KIAA1217: variants seen among roughly 807,000 people sequenced by gnomAD.
KIAA1217 encodes the protein sickle tail protein homolog.
KIAA1217 carries 88 observed loss-of-function variants against 163.9 expected under a neutral mutation model. That is an observed-to-expected ratio of 0.54 (90% CI 0.45 to 0.64). The LOEUF is 0.64. Ranked by LOEUF, KIAA1217 falls within the 30% of genes least tolerant of loss-of-function variation. The pLI is 0.00. For synonymous variants in KIAA1217, 903 were observed against 923.1 expected (o/e 0.98, Z 0.39); for missense variants, 2,372 against 2,475.0 (o/e 0.96, Z 0.88).
chr10:24,122,136 G>T (rs1384354831), intron 2 of KIAA1217, among the ~76,000 whole-genome samples: 2 of 152,066 alleles, frequency 1.3e-5, no homozygotes, highest in Non-Finnish European at 2.9e-5. Flanking sequence ...CCAATAGGAA[G>T]TTTTCAGCCC....
intron 1 of KIAA1217, among the ~76,000 whole-genome samples, chr10:23,898,337 T>C (rs949248621): frequency 2.0e-5 from 3 of 151,512 alleles, no homozygotes; most frequent in Non-Finnish European, 4.4e-5. Context: ...ATATATATAA[T>C]ATATATTTAT....
At chr10:24,113,692 G>A (rs905617974) in intron 2 of KIAA1217, among the ~76,000 whole-genome samples, 6 of 152,204 alleles carry the variant, frequency 3.9e-5, no homozygotes, top group South Asian at 4.1e-4. Flanking sequence ...ACGAGGACCA[G>A]GAAGCTGCTG....
intron 12 of KIAA1217, 99 bp from the exon 13 acceptor site, chr10:24,524,224 G>A: frequency 7.9e-7 from 1 of 1,265,836 alleles, no homozygotes; most frequent in East Asian, 2.3e-5. Flanking sequence ...GCTTTGGGAT[G>A]TGTGACTCTC....
intron 1 of KIAA1217, among the ~76,000 whole-genome samples, chr10:23,890,209 G>T (rs1841361152): frequency 1.3e-5 from 2 of 151,536 alleles, no homozygotes; most frequent in Admixed American, 6.6e-5. Context: ...TTTCTTATTT[G>T]TTAATTCTCT....
chr10:24,163,995 C>T (rs909060253), intron 2 of KIAA1217, among the ~76,000 whole-genome samples: 1 of 152,172 alleles, frequency 6.6e-6, no homozygotes, highest in Non-Finnish European at 1.5e-5. Context: ...GAGACCCTGT[C>T]TCTAAAATTA....
At chr10:24,087,933 A>ACCAT (rs2061762474) in intron 2 of KIAA1217, among the ~76,000 whole-genome samples, 1 of 71,704 alleles carries the variant, frequency 1.4e-5, no homozygotes, top group Non-Finnish European at 5.5e-5. Flanking sequence ...AAGCCTTCCC[A>ACCAT]TGATGAAAAG....
Position 24,095,084 on chromosome 10 carries a change from G to A in KIAA1217, c.-171+87710G>A, listed in dbSNP as rs543434080. 1.4e-3 allele frequency among the ~76,000 whole-genome samples: 209 copies of A among 152,306 alleles called. 1 individual carries two copies. Among genetic ancestry groups the A allele is most frequent in the Admixed American group, 2.2e-3 (34 of 15,306 alleles). The stretch of plus-strand genomic sequence containing the variant: ...TGATGCGCCGTTTCCTAAGCCCGTC[G>A]GAAAAGCGCAGTATTCACGTGGGAG... On this transcript the variant is annotated intron_variant, in intron 2 of 18. Coordinates refer to the KIAA1217 transcript ENST00000376462.
intron 2 of KIAA1217, among the ~76,000 whole-genome samples, chr10:24,017,779 A>T (rs569129655): frequency 6.6e-6 from 1 of 152,194 alleles, no homozygotes; most frequent in South Asian, 2.1e-4. Context: ...TTTGCTTGTG[A>T]CCCAGACCTG....
intron 2 of KIAA1217, among the ~76,000 whole-genome samples, chr10:24,286,436 A>T (rs968307615): frequency 6.6e-6 from 1 of 151,872 alleles, no homozygotes. Flanking sequence ...ATACACACAC[A>T]CACACGCATA....
intron 1 of KIAA1217, among the ~76,000 whole-genome samples, chr10:23,939,080 G>A (rs11013801): frequency 0.2 from 30,410 of 152,010 alleles, 3,307 homozygotes; most frequent in Middle Eastern, 0.27. Flanking sequence ...GTTAAATACT[G>A]TAAGCCCTAA....
At chr10:23,785,867 A>G (rs1312766149) in intron 1 of KIAA1217, among the ~76,000 whole-genome samples, 1 of 152,180 alleles carries the variant, frequency 6.6e-6, no homozygotes, top group African/African-American at 2.4e-5. Flanking sequence ...AGGAGAAAGA[A>G]AAAAAGGAAC....
At chr10:24,066,502 C>T (rs1007431373) in intron 2 of KIAA1217, among the ~76,000 whole-genome samples, 12 of 152,128 alleles carry the variant, frequency 7.9e-5, no homozygotes, top group Admixed American at 2.6e-4. Flanking sequence ...GAGTTTCTGC[C>T]GAGAGATTAT....
At chr10:24,203,566 C>T (rs1179141952) in intron 2 of KIAA1217, among the ~76,000 whole-genome samples, 1 of 151,816 alleles carries the variant, frequency 6.6e-6, no homozygotes, top group Non-Finnish European at 1.5e-5. Context: ...CCCCCAACCC[C>T]CACCTCCACA....
intron 1 of KIAA1217, among the ~76,000 whole-genome samples, chr10:23,856,344 A>T (rs1402941939): frequency 6.6e-6 from 1 of 152,220 alleles, no homozygotes; most frequent in African/African-American, 2.4e-5. Context: ...TGAACCGCGA[A>T]TGCTGCTGTC....
chr10:24,007,988 A>G (rs972995495), intron 2 of KIAA1217, among the ~76,000 whole-genome samples: 8 of 152,150 alleles, frequency 5.3e-5, no homozygotes, highest in Admixed American at 5.2e-4. Flanking sequence ...CAACTTTAGC[A>G]TATTCATTCA....
At chr10:24,263,142 A>G (rs1370766817) in intron 2 of KIAA1217, among the ~76,000 whole-genome samples, 1 of 152,080 alleles carries the variant, frequency 6.6e-6, no homozygotes, top group Non-Finnish European at 1.5e-5. Context: ...CTGATACCAG[A>G]GAGTGTGGAT....
intron 2 of KIAA1217, among the ~76,000 whole-genome samples, chr10:24,179,595 CT>C (rs1231840342): frequency 2.0e-5 from 3 of 151,402 alleles, no homozygotes; most frequent in South Asian, 2.1e-4. Context: ...TCTTTCTTTT[CT>C]TTTTTTTTCT....
intron 3 of KIAA1217, among the ~76,000 whole-genome samples, chr10:24,428,860 T>TA (rs199778608): frequency 0.048 from 5,451 of 114,608 alleles, 278 homozygotes; most frequent in African/African-American, 0.14. Flanking sequence ...TCTTTAAAGA[T>TA]AAAAAAAAAA....
At chr10:24,190,025 TAAAAAA>T (rs78009696) in intron 2 of KIAA1217, among the ~76,000 whole-genome samples, 1 of 127,104 alleles carries the variant, frequency 7.9e-6, no homozygotes, top group African/African-American at 2.9e-5. Flanking sequence ...TGTCTCTATT[TAAAAAA>T]AAAAAAAAAA....
Sources: gnomAD v4.1 joint callset for allele counts (sites outside exome capture counted in the v4.1 genomes callset) on GRCh38, gnomAD v4.1.1 for gene constraint, MANE v1.5 for transcripts, NCBI Gene and HGNC (gene_info 2026-07-23, HGNC 2026-07-21) for gene names.